The following GPHN variants were observed in gnomAD, a reference collection of about 807,000 sequenced individuals.
GPHN encodes the protein gephyrin.
In GPHN, 17 loss-of-function variants were observed where a neutral mutation model predicts 95.5. That is an observed-to-expected ratio of 0.18 (90% confidence interval 0.12 to 0.27). The LOEUF (loss-of-function observed/expected upper bound fraction) is 0.27. Ranked by LOEUF, GPHN falls within the 10% of genes least tolerant of loss-of-function variation. The pLI is 1.00. For missense variants in GPHN, 660 were observed against 978.1 expected, an observed-to-expected ratio of 0.67 and a Z score of 4.34; for synonymous variants, 320 against 322.5, an observed-to-expected ratio of 0.99 and a Z score of 0.08.
At chr14:67,296,661 A>G in the GPHN span, among the ~76,000 whole-genome samples, 2 of 151,138 alleles carry the variant, frequency 1.3e-5, no homozygotes, top group Non-Finnish European at 3.0e-5. Context: ...AATTTATGCT[A>G]TGATGGATTA....
At chr14:67,320,211 TAAC>T in the GPHN span, 4 of 1,600,178 alleles carry the variant, frequency 2.5e-6, no homozygotes, top group Non-Finnish European at 2.6e-6. Flanking sequence ...TTGAAGAGCT[TAAC>T]TTTTTTTTCC....
chr14:67,419,460 TAAG>T, the GPHN span, among the ~76,000 whole-genome samples: 1 of 152,172 alleles, frequency 6.6e-6, no homozygotes, highest in African/African-American at 2.4e-5. Context: ...GGAACCTGGC[TAAG>T]AAGGCAAATG....
the GPHN span, among the ~76,000 whole-genome samples, chr14:67,206,994 T>C: frequency 1.3e-5 from 2 of 152,222 alleles, no homozygotes; most frequent in African/African-American, 4.8e-5. Flanking sequence ...CAAGCAAAAA[T>C]ATTCTACCTT....
chr14:66,586,346 A>G (rs1161503522), intron 1 of GPHN, among the ~76,000 whole-genome samples: 4 of 152,114 alleles, frequency 2.6e-5, no homozygotes, highest in Admixed American at 1.3e-4. Context: ...TATCCAGTTT[A>G]CCAGTCTGTG....
chr14:67,134,802 T>G (rs1010465204), intron 17 of GPHN, among the ~76,000 whole-genome samples: 4 of 151,992 alleles, frequency 2.6e-5, no homozygotes, highest in African/African-American at 9.7e-5. Context: ...GGTGACTTTT[T>G]GCCCTACTTG....
chr14:66,831,397 G>A (rs1313806989), intron 4 of GPHN, among the ~76,000 whole-genome samples: 1 of 152,088 alleles, frequency 6.6e-6, no homozygotes, highest in Non-Finnish European at 1.5e-5. Context: ...CAGAATACTA[G>A]AAACCCTTAT....
the GPHN span, among the ~76,000 whole-genome samples, chr14:67,192,842 CTATATATAGATATACAGA>C: frequency 7.2e-5 from 10 of 138,708 alleles, no homozygotes; most frequent in Non-Finnish European, 1.5e-4. Flanking sequence ...ATATATATAT[CTATATATAGATATACAGA>C]TATATATAGA....
At chr14:67,411,875 C>T in the GPHN span, 1 of 718,280 alleles carries the variant, frequency 1.4e-6, no homozygotes, top group Non-Finnish European at 2.2e-6. Flanking sequence ...CCATCAGGGC[C>T]ACAGGCGGCC....
intron 4 of GPHN, among the ~76,000 whole-genome samples, chr14:66,868,428 C>A (rs2063308131): frequency 6.6e-6 from 1 of 152,092 alleles, no homozygotes; most frequent in Admixed American, 6.5e-5. Context: ...GAGTCTCACT[C>A]TGTTGCCCAG....
At chr14:67,164,486 T>A (rs2041163670) in intron 19 of GPHN, among the ~76,000 whole-genome samples, 1 of 152,044 alleles carries the variant, frequency 6.6e-6, no homozygotes, top group Admixed American at 6.5e-5. Context: ...AGACATATTA[T>A]CAGGTAATCT....
At chr14:67,150,453 C>CAAAAAAAA (rs1164806975) in intron 18 of GPHN, among the ~76,000 whole-genome samples, 85 of 98,056 alleles carry the variant, frequency 8.7e-4, no homozygotes, top group East Asian at 2.0e-3. Context: ...AAAAAAAAAA[C>CAAAAAAAA]AAAAAAAAAA....
At chr14:67,103,627 T>A (rs1699517002) in intron 13 of GPHN, among the ~76,000 whole-genome samples, 1 of 151,540 alleles carries the variant, frequency 6.6e-6, no homozygotes, top group African/African-American at 2.4e-5. Context: ...CTAAATTTTT[T>A]TTGTAGTTAT....
At chr14:66,588,965 G>A (rs559047094) in intron 1 of GPHN, among the ~76,000 whole-genome samples, 25 of 152,206 alleles carry the variant, frequency 1.6e-4, no homozygotes, top group African/African-American at 4.3e-4. Flanking sequence ...AGGAGAAAAT[G>A]TTAAGGGCAG....
chr14:67,233,225 T>C, the GPHN span, among the ~76,000 whole-genome samples: 1,328 of 152,104 alleles, frequency 8.7e-3, 25 homozygotes, highest in African/African-American at 0.031. Flanking sequence ...CACTGCAACA[T>C]CTGCCTCCCA....
chr14:67,609,616 C>T, the GPHN span, among the ~76,000 whole-genome samples: 1 of 152,118 alleles, frequency 6.6e-6, no homozygotes, highest in African/African-American at 2.4e-5. Context: ...CTCCTGGCCC[C>T]TAATCCTGTG....
At chr14:67,225,385 A>T in the GPHN span, 1 of 591,122 alleles carries the variant, frequency 1.7e-6, no homozygotes. Context: ...TAGTAACAAT[A>T]TAAGTGGAAT....
At chr14:67,142,672 T>C (rs2080553572) in intron 17 of GPHN, among the ~76,000 whole-genome samples, 1 of 152,164 alleles carries the variant, frequency 6.6e-6, no homozygotes, top group South Asian at 2.1e-4. Flanking sequence ...CTAGGGATCC[T>C]CCCCCCTCCA....
chr14:67,619,739 A>G, the GPHN span: 1 of 487,648 alleles, frequency 2.1e-6, no homozygotes, highest in Non-Finnish European at 3.7e-6. Context: ...AGCACAGGCC[A>G]GAGTGGGGTG....
At chr14:66,974,523 A>C (rs2070070997) in intron 9 of GPHN, among the ~76,000 whole-genome samples, 1 of 152,164 alleles carries the variant, frequency 6.6e-6, no homozygotes, top group Non-Finnish European at 1.5e-5. Context: ...CTAAACTTGC[A>C]AATGAAATTT....
Sources: allele counts gnomAD v4.1 joint callset (sites outside exome capture counted in the v4.1 genomes callset), GRCh38; gene constraint gnomAD v4.1.1; transcripts MANE v1.5; gene names NCBI Gene and HGNC (gene_info 2026-07-23, HGNC 2026-07-21).